The following SLC12A6 variants were observed in gnomAD, a reference collection of about 807,000 sequenced individuals.
SLC12A6 encodes K-Cl cotransporter 3.
A neutral mutation model predicts 135.3 loss-of-function variants in SLC12A6; 66 were observed. That is an observed-to-expected ratio of 0.49 (90% confidence interval 0.40 to 0.60). The LOEUF (loss-of-function observed/expected upper bound fraction) is 0.60. Ranked by LOEUF, SLC12A6 falls within the 20% of genes least tolerant of loss-of-function variation. The pLI is 0.00. For missense variants in SLC12A6, 1,058 were observed against 1,452.3 expected, an observed-to-expected ratio of 0.73 and a Z score of 4.41; for synonymous variants, 513 against 508.8, an observed-to-expected ratio of 1.01 and a Z score of -0.11.
chr15:34,326,556 G>C (rs1252690416), intron 2 of SLC12A6, among the ~76,000 whole-genome samples: 1 of 152,092 alleles, frequency 6.6e-6, no homozygotes, highest in Non-Finnish European at 1.5e-5. Context: ...ATCAATAACT[G>C]TTGATGTAAC....
At position 34,260,996 on chromosome 15, in the gene SLC12A6, T is replaced by C. The variant is rs758125142; in HGVS notation, c.341A>G (p.Asn114Ser). 2.5e-6 allele frequency: 4 copies of C among 1,574,722 alleles called. No homozygotes were observed. The South Asian group carries it at 3.3e-5, about 13-fold the overall frequency. The change falls in exon 4 of 26, where the codon AAT (asparagine) becomes AGT (serine). Residue 114 changes from asparagine (N) to serine (S), a missense_variant. By Grantham distance (46) the Asn-to-Ser change is conservative. Coordinates refer to ENST00000354181, the MANE Select transcript of SLC12A6 (RefSeq NM_001365088.1). ...ATAATTGGAATTATTGAGATAAGCA[T>C]TTCGAGCTTTCTTATGTCCGTCGTC... is the stretch of plus-strand genomic sequence containing the variant. ...LLDDGHKKAR[N>S]AYLNNSNYEE...
At position 34,229,866 on chromosome 15, in the gene SLC12A6, A is replaced by G; in HGVS notation, c.*4015T>C. On this transcript the variant is annotated 3_prime_UTR_variant, in exon 26 of 26. Coordinates refer to ENST00000354181, the MANE Select transcript of SLC12A6 (RefSeq NM_001365088.1). ...TCTTTAAGCCCAGTGGCTCCTCAGC[A>G]TACTCTTAAACTAATCACTTATGTT... The G allele has an allele frequency of 7.5e-7, 1 of 1,341,700 alleles. No individual in the cohort carries two copies. Among genetic ancestry groups the G allele is most frequent in the South Asian group, 1.2e-5 (1 of 85,414 alleles). 83.1% of individuals were successfully genotyped at this position (1,341,700 alleles called of 1,614,324 possible).
rs992869097 is a variant in SLC12A6, at chr15:34,231,303, G to C, written c.*2578C>G. 1 of 151,942 alleles carries C rather than the reference G, an allele frequency of 6.6e-6. No homozygotes were observed. The highest frequency in any genetic ancestry group is 1.5e-5 in the Non-Finnish European group (1 of 68,136). The allele number at this position is 151,942 out of a possible 1,614,324, so 9.4% of individuals were successfully genotyped here. ...CTTGAACCCAGGAGGCAGAGGTTGCGGTGAGCCAAGATTGTGCCATTTCAC... is the reference window on the plus strand; with the variant it reads ...CTTGAACCCAGGAGGCAGAGGTTGCCGTGAGCCAAGATTGTGCCATTTCAC... On this transcript the variant is annotated 3_prime_UTR_variant, in exon 26 of 26. Transcript: ENST00000354181.
intron 2 of SLC12A6, among the ~76,000 whole-genome samples, chr15:34,276,669 A>C (rs1011886174): frequency 6.6e-6 from 1 of 152,246 alleles, no homozygotes; most frequent in African/African-American, 2.4e-5. Flanking sequence ...CTTTATTTTC[A>C]CTAACCTCTA....
At chr15:34,268,129 AC>A (rs1256861881) in intron 3 of SLC12A6, among the ~76,000 whole-genome samples, 4 of 152,058 alleles carry the variant, frequency 2.6e-5, no homozygotes, top group Non-Finnish European at 5.9e-5. Context: ...CTATTCAATA[AC>A]CTTACAATGA....
At chr15:34,237,316 C>A in intron 22 of SLC12A6, 103 bp downstream of exon 22, 1 of 1,020,248 alleles carries the variant, frequency 9.8e-7, no homozygotes, top group Non-Finnish European at 1.5e-6. Context: ...GGGATTAATC[C>A]ACATTTAGAT....
intron 9 of SLC12A6, among the ~76,000 whole-genome samples, chr15:34,253,017 G>A (rs1281848112): frequency 6.6e-6 from 1 of 152,190 alleles, no homozygotes; most frequent in Non-Finnish European, 1.5e-5. Flanking sequence ...CCTAGACTCA[G>A]TGGGAGTGAC....
At chr15:34,234,845 A>G (rs1315777471) in intron 25 of SLC12A6, among the ~76,000 whole-genome samples, 1 of 152,168 alleles carries the variant, frequency 6.6e-6, no homozygotes, top group African/African-American at 2.4e-5. Flanking sequence ...AACTCTATCC[A>G]AAAGAAAGGC....
chr15:34,330,583 G>C (rs1889770945), intron 2 of SLC12A6, among the ~76,000 whole-genome samples: 1 of 151,888 alleles, frequency 6.6e-6, no homozygotes, highest in South Asian at 2.1e-4. Flanking sequence ...GTGGAGGACT[G>C]CTTGAGCTCA....
At chr15:34,298,608 G>A (rs1896039860) in intron 2 of SLC12A6, among the ~76,000 whole-genome samples, 1 of 151,224 alleles carries the variant, frequency 6.6e-6, no homozygotes, top group African/African-American at 2.5e-5. Flanking sequence ...GGGGGAAATG[G>A]AGGAGAGACA....
chr15:34,289,850 CCTAT>C (rs926166784), intron 2 of SLC12A6, among the ~76,000 whole-genome samples: 9 of 151,856 alleles, frequency 5.9e-5, no homozygotes, highest in Non-Finnish European at 8.8e-5. Context: ...TTTTATTATG[CCTAT>C]CTGATTCTTC....
rs1891047016 is a variant in SLC12A6 at position 34,233,148 on chromosome 15, A to T, written c.*733T>A. On this transcript the variant is annotated 3_prime_UTR_variant, in exon 26 of 26. Coordinates refer to ENST00000354181, the MANE Select transcript of SLC12A6 (RefSeq NM_001365088.1). ...ATTTGAAAGGAACCTGAAAGAAATA[A>T]TTTTTACCTTACCAAAAACAATTTC... The T allele has an allele frequency of 6.6e-6, 1 of 152,208 alleles. No homozygotes were observed. Among genetic ancestry groups the T allele is most frequent in the Non-Finnish European group, 1.5e-5 (1 of 68,090 alleles). The allele number at this position is 152,208 out of a possible 1,614,324, so 9.4% of individuals were successfully genotyped here.
At chr15:34,272,651 A>G (rs1265651459) in intron 3 of SLC12A6, among the ~76,000 whole-genome samples, 1 of 152,212 alleles carries the variant, frequency 6.6e-6, no homozygotes, top group Non-Finnish European at 1.5e-5. Context: ...CTTTGCAAAT[A>G]CTATTAGAAT....
At position 34,333,797 on chromosome 15, in the gene SLC12A6, G is replaced by A. The variant is rs938678773; in HGVS notation, c.271+2613C>T. On this transcript the variant is annotated intron_variant, in intron 2 of 25. Coordinates refer to ENST00000354181, the MANE Select transcript of SLC12A6 (RefSeq NM_001365088.1). ...TTTAAAACTTCATGTAGGGCTGGGCGCTGTGGCTCACGCCTGTAATCCCAG... is the reference window on the plus strand; with the variant it reads ...TTTAAAACTTCATGTAGGGCTGGGCACTGTGGCTCACGCCTGTAATCCCAG... Among the ~76,000 whole-genome samples the A allele has an allele frequency of 2.6e-5, 4 of 152,148 alleles. No homozygotes were observed. In the South Asian group the frequency reaches 6.2e-4, roughly 24 times the overall value.
At chr15:34,242,016 C>T (rs550384093) in intron 17 of SLC12A6, 86 bp downstream of exon 17, 1 of 977,640 alleles carries the variant, frequency 1.0e-6, no homozygotes, top group South Asian at 1.3e-5. Flanking sequence ...TACCTGAGTC[C>T]TTAAGATATT....
At chr15:34,331,082 C>T (rs1272943944) in intron 2 of SLC12A6, among the ~76,000 whole-genome samples, 1 of 151,984 alleles carries the variant, frequency 6.6e-6, no homozygotes, top group Non-Finnish European at 1.5e-5. Context: ...GTAATAGTCA[C>T]CTATGATTAG....
intron 2 of SLC12A6, among the ~76,000 whole-genome samples, chr15:34,277,790 T>A (rs988503782): frequency 3.3e-5 from 5 of 152,208 alleles, no homozygotes; most frequent in Admixed American, 1.3e-4. Context: ...GAATACCTTG[T>A]ATCTCTCAGG....
chr15:34,233,745 G>A lies in SLC12A6; in HGVS notation c.*136C>T, dbSNP rs1891075154. ...CTTTTACACAGGTACTTGAGGCTCA[G>A]CTCATCAAGAGTTCAGTATGATGTG... On this transcript the variant is annotated 3_prime_UTR_variant, in exon 26 of 26. Coordinates refer to ENST00000354181, the MANE Select transcript of SLC12A6 (RefSeq NM_001365088.1). The A allele has an allele frequency of 5.7e-6, 4 of 703,858 alleles. No homozygotes were observed. Among genetic ancestry groups the A allele is most frequent in the South Asian group, 3.0e-5 (2 of 66,866 alleles). The allele number at this position is 703,858 out of a possible 1,614,324, so 43.6% of individuals were successfully genotyped here.
intron 2 of SLC12A6, among the ~76,000 whole-genome samples, chr15:34,307,516 T>C (rs1328259169): frequency 6.6e-6 from 1 of 152,176 alleles, no homozygotes; most frequent in African/African-American, 2.4e-5. Flanking sequence ...GAAGATGAGG[T>C]CTCACTATGT....
Sources: gnomAD v4.1 joint callset for allele counts (sites outside exome capture counted in the v4.1 genomes callset) on GRCh38, gnomAD v4.1.1 for gene constraint, MANE v1.5 for transcripts, NCBI Gene and HGNC (gene_info 2026-07-23, HGNC 2026-07-21) for gene names.